MIER2: variants seen among roughly 807,000 people sequenced by gnomAD.
MIER2 encodes the protein MIER family member 2.
A neutral mutation model predicts 67.6 loss-of-function variants in MIER2; 30 were observed. The ratio of observed to expected loss-of-function variants is 0.44; its 90% confidence interval spans 0.33 to 0.60. The LOEUF (loss-of-function observed/expected upper bound fraction) is 0.60. Ranked by LOEUF, MIER2 falls within the 20% of genes least tolerant of loss-of-function variation. The pLI, the probability that MIER2 is intolerant of heterozygous loss-of-function variation, is 0.02. For synonymous variants in MIER2, 372 were observed against 312.6 expected (o/e 1.19, Z -2.00); for missense variants, 702 against 745.1 (o/e 0.94, Z 0.67).
At chr19:320,512 C>A (rs1399250700) in intron 7 of MIER2, among the ~76,000 whole-genome samples, 1 of 152,072 alleles carries the variant, frequency 6.6e-6, no homozygotes, top group Non-Finnish European at 1.5e-5. Context: ...GGGTTCCCAA[C>A]CCCCAGGCCA....
chr19:317,986 T>C (rs1363416322), intron 7 of MIER2, among the ~76,000 whole-genome samples: 1 of 152,020 alleles, frequency 6.6e-6, no homozygotes, highest in Non-Finnish European at 1.5e-5. Context: ...GGCAGGTCAC[T>C]TGAGGTCTAG....
chr19:317,453 G>A (rs1971293976), intron 7 of MIER2, among the ~76,000 whole-genome samples: 1 of 151,940 alleles, frequency 6.6e-6, no homozygotes, highest in African/African-American at 2.4e-5. Context: ...CGTGAACCCG[G>A]GAGGCGGAGC....
chr19:318,842 G>A (rs1314990782), intron 7 of MIER2, among the ~76,000 whole-genome samples: 2 of 152,004 alleles, frequency 1.3e-5, no homozygotes, highest in East Asian at 1.9e-4. Flanking sequence ...AGATCATGAG[G>A]TCAGGAGATC....
Position 325,673 on chromosome 19 carries a change from T to A in MIER2, c.617A>T (p.Asp206Val), listed in dbSNP as rs1459667157. ...CCGGTTCAAGTGCAGGTTGCTGAGG[T>A]CAGCTTGGAACTGAGGTCCCACCAT... ...EIMVGPQFQA[D>V]LSNLHLNRHC... is the part of the protein sequence containing the mutation. Residue 206 changes from aspartate (D) to valine (V), a missense_variant, in exon 7 of 14, where the codon GAC becomes GTC. Transcript: ENST00000264819. 6.2e-7 allele frequency: 1 copy of A among 1,614,088 alleles called. No individual in the cohort carries two copies. The highest frequency in any genetic ancestry group is 1.1e-5 in the South Asian group (1 of 91,078).
intron 1 of MIER2, among the ~76,000 whole-genome samples, chr19:343,388 A>C (rs1972588161): frequency 6.6e-6 from 1 of 152,184 alleles, no homozygotes; most frequent in Non-Finnish European, 1.5e-5. Context: ...CCGACCCTGG[A>C]GGACAGCCAC....
chr19:327,820 C>T (rs1971828617), intron 4 of MIER2, 44 bp downstream of exon 4: 1 of 1,606,454 alleles, frequency 6.2e-7, no homozygotes. Context: ...CCAGGCCCCC[C>T]CACCTTCAGC....
In MIER2 at chr19:307,334, G is replaced by A. The variant is rs778479672; in HGVS notation, c.1401C>T (p.Ser467=). The A allele has an allele frequency of 8.7e-6, 14 of 1,603,360 alleles. No homozygotes were observed. The highest frequency in any genetic ancestry group is 1.1e-5 in the Non-Finnish European group (13 of 1,175,754). ...PAVTAPEPDA[S]PRLAVDFALP... is the part of the protein sequence containing the mutation. ...GGGCGAAGTCCACGGCCAGCCTTGG[G>A]CTGGCGTCTGGCTCCGGAGCAGTGA... Residue 467 remains serine (S), a synonymous_variant, in exon 13 of 14, where the codon AGC becomes AGT. Coordinates refer to ENST00000264819, the MANE Select transcript of MIER2 (RefSeq NM_017550.3).
intron 2 of MIER2, 137 bp downstream of exon 2, chr19:335,946 G>C: frequency 3.9e-6 from 3 of 763,442 alleles, no homozygotes; most frequent in Middle Eastern, 2.6e-4. Context: ...CCATCTGAAC[G>C]GGTGGGAGCT....
Position 314,278 on chromosome 19 carries a change from C to G in MIER2, c.656-635G>C, listed in dbSNP as rs1018941027. On this transcript the variant is annotated intron_variant, in intron 7 of 13. Coordinates refer to ENST00000264819, the MANE Select transcript of MIER2 (RefSeq NM_017550.3). ...CTGGTGTGGATGGCAGATGTGCTCA[C>G]AGAGGGGAGGAAAAGTCCACGACCT... Among the ~76,000 whole-genome samples the G allele has an allele frequency of 3.9e-5, 6 of 152,112 alleles. No individual in the cohort carries two copies. The South Asian group carries it at 1.0e-3, about 26-fold the overall frequency.
chr19:326,500 C>A lies in MIER2; in HGVS notation c.585+7G>T. ...TGCCAGGTTGGGGAGATGGCAGAAC[C>A]ACGTACCTTCTTACATTTGTTGGCA... is the stretch of plus-strand genomic sequence containing the variant. On this transcript the variant is annotated splice_region_variant and intron_variant, in intron 6 of 13. Coordinates refer to ENST00000264819, the MANE Select transcript of MIER2 (RefSeq NM_017550.3). The A allele has an allele frequency of 1.9e-6, 3 of 1,613,372 alleles. No individual in the cohort carries two copies. The highest frequency in any genetic ancestry group is 2.5e-6 in the Non-Finnish European group (3 of 1,179,324).
intron 1 of MIER2, chr19:340,448 T>G (rs1972453972): frequency 6.6e-6 from 1 of 152,164 alleles, no homozygotes; most frequent in Non-Finnish European, 1.5e-5. Flanking sequence ...TACTGTATTC[T>G]CACAAAAAAA....
At chr19:343,880 C>T (rs1306555549) in intron 1 of MIER2, 1 of 985,210 alleles carries the variant, frequency 1.0e-6, no homozygotes. Context: ...TCCACCACTC[C>T]AAAATCAAAA....
chr19:329,287 G>A (rs746188228), intron 3 of MIER2, among the ~76,000 whole-genome samples: 42 of 152,140 alleles, frequency 2.8e-4, no homozygotes, highest in African/African-American at 7.5e-4. Context: ...ACAGGACCCC[G>A]TGGAAAGAAC....
chr19:314,287 G>A, intron 7 of MIER2, among the ~76,000 whole-genome samples: 1 of 152,190 alleles, frequency 6.6e-6, no homozygotes, highest in East Asian at 1.9e-4. Flanking sequence ...ACAGAGGGGA[G>A]GAAAAGTCCA....
At chr19:334,164 T>C (rs1972139027) in intron 3 of MIER2, 1 of 510,158 alleles carries the variant, frequency 2.0e-6, no homozygotes, top group Non-Finnish European at 3.4e-6. Context: ...AAGCAGGTTC[T>C]GAGACCAGAA....
In MIER2 at chr19:308,174, A is replaced by G. The variant is rs1568213916; in HGVS notation, c.1198+403T>C. ...ACCCGAGGCCCTGCTGTGCTCCGTC[A>G]TGGCCTCAGGTGCAAGATCCTGGCG... On this transcript the variant is annotated intron_variant, in intron 12 of 13. Coordinates refer to ENST00000264819, the MANE Select transcript of MIER2 (RefSeq NM_017550.3). The surrounding 1 kb of genome is among the most constrained non-coding windows in gnomAD (Gnocchi z 9.1). 1.3e-5 allele frequency among the ~76,000 whole-genome samples: 2 copies of G among 152,170 alleles called. No homozygotes were observed. Among genetic ancestry groups the G allele is most frequent in the Admixed American group, 6.5e-5 (1 of 15,278 alleles).
At chr19:334,697 C>T (rs928614899) in intron 2 of MIER2, among the ~76,000 whole-genome samples, 155 bp from the exon 3 acceptor site, 9 of 152,186 alleles carry the variant, frequency 5.9e-5, no homozygotes. Context: ...CACCCCACGA[C>T]TAATGCACAC....
intron 7 of MIER2, among the ~76,000 whole-genome samples, chr19:317,915 A>C (rs1302406097): frequency 6.6e-6 from 1 of 152,214 alleles, no homozygotes; most frequent in African/African-American, 2.4e-5. Flanking sequence ...ATTAAAAATA[A>C]GATCTAGGTC....
chr19:333,865 T>C, intron 3 of MIER2, among the ~76,000 whole-genome samples: 1 of 151,876 alleles, frequency 6.6e-6, no homozygotes, highest in Admixed American at 6.6e-5. Context: ...ATTTTGTTTT[T>C]GTATTTTTAG....
Sources: allele counts gnomAD v4.1 joint callset (sites outside exome capture counted in the v4.1 genomes callset), GRCh38; gene constraint gnomAD v4.1.1; non-coding constraint Gnocchi (gnomAD v3.1); transcripts MANE v1.5; gene names NCBI Gene and HGNC (gene_info 2026-07-23, HGNC 2026-07-21).